Variants in ITGAX observed in about 807,000 individuals in gnomAD.
ITGAX encodes integrin alpha-X.
In ITGAX, 99 loss-of-function variants were observed where a neutral mutation model predicts 140.2. The observed-to-expected ratio is 0.71, with a 90% CI of 0.60 to 0.83. The LOEUF (loss-of-function observed/expected upper bound fraction) is 0.83, where lower values mean the gene tolerates loss of function less well. Ranked by LOEUF, ITGAX falls within the 40% of genes least tolerant of loss-of-function variation. ITGAX has a pLI of 0.00. For missense variants in ITGAX, 1,444 were observed against 1,482.0 expected (o/e 0.97, Z 0.42); for synonymous variants, 631 against 600.4 (o/e 1.05, Z -0.75).
rs1486495173 is a variant in ITGAX at position 31,371,224 on chromosome 16, G to T, written c.1841+10G>T. 4.4e-6 allele frequency: 7 copies of T among 1,604,094 alleles called. No individual in the cohort carries two copies. The highest frequency in any genetic ancestry group is 6.0e-6 in the Non-Finnish European group (7 of 1,174,556). On this transcript the variant is annotated intron_variant, in intron 15 of 29. Coordinates refer to ENST00000268296, the MANE Select transcript of ITGAX (RefSeq NM_000887.5). ...AGGTGCTCCTGCTCAGGTGAGAGCAGCCTTTCTCAGAGGCTCCCCAGGTGG... is the reference window on the plus strand; with the variant it reads ...AGGTGCTCCTGCTCAGGTGAGAGCATCCTTTCTCAGAGGCTCCCCAGGTGG...
intron 14 of ITGAX, among the ~76,000 whole-genome samples, chr16:31,365,528 T>C (rs11150619): frequency 0.3 from 45,400 of 152,198 alleles, 7,957 homozygotes; most frequent in East Asian, 0.71. Context: ...ACCAACCTTA[T>C]TGAGCTGCTG....
intron 23 of ITGAX, among the ~76,000 whole-genome samples, 162 bp from the exon 24 acceptor site, chr16:31,379,406 C>T (rs900626735): frequency 5.3e-5 from 8 of 152,078 alleles, no homozygotes; most frequent in African/African-American, 1.7e-4. Flanking sequence ...CCTGAGCCAC[C>T]GCGCCTGGCC....
At chr16:31,381,167 C>T (rs2081066152) in intron 29 of ITGAX, among the ~76,000 whole-genome samples, 160 bp downstream of exon 29, 1 of 152,164 alleles carries the variant, frequency 6.6e-6, no homozygotes, top group Admixed American at 6.6e-5. Context: ...CCAGTGGCCC[C>T]CTGCTTTGTG....
In ITGAX at chr16:31,373,272, G is replaced by A. The variant is rs2080989707; in HGVS notation, c.2390G>A (p.Ser797Asn). The change falls in exon 20 of 30, where the codon AGT (serine) becomes AAT (asparagine). Residue 797 changes from serine to asparagine, a missense_variant. Transcript: ENST00000268296. ...AGCTTGAAGTCCCTGCTGGTGGGGA[G>A]TAACCTGGAGCTGAACGCAGAAGTG... is the stretch of plus-strand genomic sequence containing the variant. ...FPGLKSLLVG[S>N]NLELNAEVMV... 6.2e-7 allele frequency: 1 copy of A among 1,613,134 alleles called. No individual in the cohort carries two copies. Among genetic ancestry groups the A allele is most frequent in the Admixed American group, 1.7e-5 (1 of 59,872 alleles).
intron 9 of ITGAX, chr16:31,361,458 A>G: frequency 4.5e-6 from 3 of 668,096 alleles, no homozygotes. Context: ...CACCGGCTCC[A>G]CTGCAGAACA....
intron 16 of ITGAX, 50 bp from the exon 17 acceptor site, chr16:31,371,580 G>T: frequency 6.2e-7 from 1 of 1,611,246 alleles, no homozygotes; most frequent in Non-Finnish European, 8.5e-7. Flanking sequence ...CCTGCTCATT[G>T]TCCACCCAAG....
At chr16:31,379,329 G>A (rs749383574) in intron 23 of ITGAX, among the ~76,000 whole-genome samples, 57 of 151,688 alleles carry the variant, frequency 3.8e-4, no homozygotes, top group Admixed American at 1.3e-4. Flanking sequence ...GTTGGCCAGG[G>A]TGATCTCGAA....
rs866988722 is a variant in ITGAX at position 31,377,196 on chromosome 16, C to T, written c.2720C>T (p.Pro907Leu). ...TANVSSENNT[P>L]RTSKTTFQLE... is the part of the protein sequence containing the mutation. ...TCTTTCTCCAGTGAGAACAACACTC[C>T]CAGGACCAGCAAGACCACCTTCCAG... Residue 907 changes from proline (P) to leucine (L), a missense_variant, in exon 23 of 30, where the codon CCC (proline) becomes CTC (leucine). Coordinates refer to ENST00000268296, the MANE Select transcript of ITGAX (RefSeq NM_000887.5). 1.2e-6 allele frequency: 2 copies of T among 1,613,914 alleles called. No homozygotes were observed. Among genetic ancestry groups the T allele is most frequent in the African/African-American group, 2.7e-5 (2 of 74,884 alleles).
intron 9 of ITGAX, 160 bp downstream of exon 9, chr16:31,361,373 C>G (rs1191344190): frequency 1.2e-6 from 1 of 853,580 alleles, no homozygotes; most frequent in African/African-American, 1.7e-5. Context: ...ACTGACGTCC[C>G]CCAGCACTGT....
At chr16:31,360,164 C>A in intron 7 of ITGAX, 99 bp downstream of exon 7, 1 of 1,543,456 alleles carries the variant, frequency 6.5e-7, no homozygotes. Context: ...GGACCAAAAT[C>A]CAGCCCGTGA....
At chr16:31,381,391 A>G (rs1205035232) in intron 29 of ITGAX, among the ~76,000 whole-genome samples, 2 of 152,104 alleles carry the variant, frequency 1.3e-5, no homozygotes, top group African/African-American at 2.4e-5. Context: ...ACCCCAGCTC[A>G]TAGAATTTTG....
intron 20 of ITGAX, among the ~76,000 whole-genome samples, chr16:31,376,485 T>C (rs556164199): frequency 3.2e-4 from 49 of 152,062 alleles, no homozygotes; most frequent in Middle Eastern, 3.4e-3. Flanking sequence ...TAGCCAGGCA[T>C]GGTGGTGGTG....
In ITGAX at chr16:31,360,503, C is replaced by T. The variant is rs200593344; in HGVS notation, c.861+40C>T. ...GGCTTCCCACTTCTCCCACGGCTTC[C>T]TCTCAGGGCAACTCCCCTTTCTGTG... On this transcript the variant is annotated intron_variant, in intron 8 of 29. Coordinates refer to ENST00000268296, the MANE Select transcript of ITGAX (RefSeq NM_000887.5). 2,517 of 1,556,284 alleles carry T rather than the reference C, an allele frequency of 1.6e-3. 5 individuals are homozygous for T. Among genetic ancestry groups the T allele is most frequent in the Non-Finnish European group, 2.1e-3 (2,406 of 1,145,220 alleles).
chr16:31,381,594 A>G (rs924279337), intron 29 of ITGAX, among the ~76,000 whole-genome samples: 13 of 152,094 alleles, frequency 8.5e-5, no homozygotes, highest in African/African-American at 3.1e-4. Context: ...ACGCCACTGC[A>G]CTCCAGCCTG....
intron 20 of ITGAX, among the ~76,000 whole-genome samples, chr16:31,375,366 C>T (rs1045924834): frequency 1.3e-5 from 2 of 152,358 alleles, no homozygotes; most frequent in Non-Finnish European, 2.9e-5. Flanking sequence ...TTCCCTCTCA[C>T]TCTCACATGC....
At chr16:31,366,217 C>T (rs74515325) in intron 14 of ITGAX, among the ~76,000 whole-genome samples, 4,716 of 152,268 alleles carry the variant, frequency 0.031, 265 homozygotes, top group African/African-American at 0.11. Context: ...TTTGGTAATT[C>T]TCACAATGTT....
rs750058151 is a variant in ITGAX at position 31,379,780 on chromosome 16, C to T, written c.2892C>T (p.Asp964=). 5.6e-6 allele frequency: 9 copies of T among 1,614,072 alleles called. No homozygotes were observed. In the African/African-American group the frequency reaches 9.3e-5, roughly 17 times the overall value. ...AGGTCAATAACCTGGGACAGAGGGA[C>T]CTGCCTGTCAGCATCAACTTCTGGG... The part of the protein sequence containing the change: ...RYQVNNLGQR[D]LPVSINFWVP... Residue 964 remains aspartate (D), a synonymous_variant, in exon 25 of 30, where the codon GAC becomes GAT. Coordinates refer to ENST00000268296, the MANE Select transcript of ITGAX (RefSeq NM_000887.5).
intron 19 of ITGAX, 117 bp from the exon 20 acceptor site, chr16:31,373,132 A>G (rs2080987833): frequency 4.7e-6 from 3 of 641,724 alleles, no homozygotes; most frequent in Non-Finnish European, 7.3e-6. Flanking sequence ...GAAGAAGAAG[A>G]ACCCAGGGGT....
intron 17 of ITGAX, 91 bp downstream of exon 17, chr16:31,371,875 T>A: frequency 6.8e-7 from 1 of 1,476,628 alleles, no homozygotes; most frequent in Non-Finnish European, 9.2e-7. Flanking sequence ...GGCCTCCCTG[T>A]GGCTCAGCCC....
Sources: allele counts gnomAD v4.1 joint callset (sites outside exome capture counted in the v4.1 genomes callset), GRCh38; gene constraint gnomAD v4.1.1; transcripts MANE v1.5; gene names NCBI Gene and HGNC (gene_info 2026-07-23, HGNC 2026-07-21).